The following HSD17B12 variants were observed in gnomAD, a reference collection of about 807,000 sequenced individuals.
HSD17B12 encodes hydroxysteroid 17-beta dehydrogenase 12, also known as very-long-chain 3-oxoacyl-CoA reductase.
HSD17B12 carries 32 observed loss-of-function variants against 39.3 expected under a neutral mutation model. The observed-to-expected ratio is 0.81, with a 90% CI of 0.61 to 1.09. The LOEUF is 1.09. HSD17B12 is among the 50% of genes least tolerant of loss of function. HSD17B12 has a pLI of 0.00. For missense variants in HSD17B12, 342 were observed against 382.9 expected, an observed-to-expected ratio of 0.89 and a Z score of 0.89; for synonymous variants, 150 against 146.7, an observed-to-expected ratio of 1.02 and a Z score of -0.16.
chr11:43,587,976 G>A, the HSD17B12 span, among the ~76,000 whole-genome samples: 1 of 152,212 alleles, frequency 6.6e-6, no homozygotes, highest in African/African-American at 2.4e-5. Flanking sequence ...ATAGCAGGTA[G>A]TTCTGTTGAG....
the HSD17B12 span, among the ~76,000 whole-genome samples, chr11:43,612,207 A>G: frequency 6.6e-6 from 1 of 152,128 alleles, no homozygotes; most frequent in Non-Finnish European, 1.5e-5. Flanking sequence ...TATGTATTTT[A>G]TAATTTGGGG....
At chr11:43,838,145 G>A (rs1951389194) in intron 7 of HSD17B12, 172 bp from the exon 8 acceptor site, 1 of 576,428 alleles carries the variant, frequency 1.7e-6, no homozygotes, top group Non-Finnish European at 3.1e-6. Flanking sequence ...ATTGAATTAT[G>A]TCTCATTTAC....
the HSD17B12 span, among the ~76,000 whole-genome samples, chr11:43,627,194 G>T: frequency 2.0e-5 from 3 of 151,638 alleles, no homozygotes; most frequent in South Asian, 6.2e-4. Flanking sequence ...AGCCCTATTG[G>T]TTCCTGAATT....
intron 1 of HSD17B12, among the ~76,000 whole-genome samples, chr11:43,747,146 GATC>G (rs1440122737): frequency 1.3e-5 from 2 of 152,130 alleles, no homozygotes; most frequent in Non-Finnish European, 2.9e-5. Context: ...ACTAAATGCC[GATC>G]ATCATTTAAA....
chr11:43,589,113 G>C, the HSD17B12 span, among the ~76,000 whole-genome samples: 2 of 152,026 alleles, frequency 1.3e-5, no homozygotes, highest in Admixed American at 6.6e-5. Flanking sequence ...AAAAAATAAG[G>C]AAAAATAGAA....
the HSD17B12 span, among the ~76,000 whole-genome samples, chr11:43,587,874 T>G: frequency 1.3e-3 from 193 of 152,266 alleles, no homozygotes; most frequent in Middle Eastern, 3.4e-3. Context: ...GCTGGACAGG[T>G]CAGGGATTCA....
At position 43,855,208 on chromosome 11, in the gene HSD17B12, C is replaced by G; in HGVS notation, c.899C>G (p.Ser300Cys). 6.2e-7 allele frequency: 1 copy of G among 1,610,982 alleles called. No homozygotes were observed. Among genetic ancestry groups the G allele is most frequent in the Non-Finnish European group, 8.5e-7 (1 of 1,178,898 alleles). The change falls in exon 11 of 11, where the codon TCT becomes TGT. Residue 300 changes from serine to cysteine, a missense_variant. By Grantham distance (112) the Ser-to-Cys change is moderately radical. Transcript: ENST00000278353. ...YLKIVMNMNKSTRAHYLKKTK... is the reference protein window; with the variant it reads ...YLKIVMNMNKCTRAHYLKKTK... ...AAAATAGTCATGAATATGAACAAGT[C>G]TACACGGGCTCACTATCTGAAGAAA...
intron 3 of HSD17B12, among the ~76,000 whole-genome samples, chr11:43,780,609 G>A (rs886586039): frequency 6.6e-6 from 1 of 152,150 alleles, no homozygotes; most frequent in Admixed American, 6.5e-5. Context: ...TAAGGAAAAT[G>A]TTTAGAAGCT....
chr11:43,600,283 T>C, the HSD17B12 span, among the ~76,000 whole-genome samples: 1 of 152,168 alleles, frequency 6.6e-6, no homozygotes, highest in South Asian at 2.1e-4. Context: ...TTTATTTAGA[T>C]GTATTGTTTC....
intron 6 of HSD17B12, among the ~76,000 whole-genome samples, chr11:43,818,972 G>C (rs760554990): frequency 6.6e-6 from 1 of 152,084 alleles, no homozygotes; most frequent in Non-Finnish European, 1.5e-5. Context: ...AATGACCAAC[G>C]TGTACTATTA....
upstream of HSD17B12, among the ~76,000 whole-genome samples, chr11:43,677,398 T>A (rs538097932): frequency 2.0e-5 from 3 of 152,262 alleles, no homozygotes; most frequent in East Asian, 5.8e-4. Flanking sequence ...CAAAAACTCT[T>A]GAAGGAAGGT....
chr11:43,621,597 C>G, the HSD17B12 span, among the ~76,000 whole-genome samples: 1 of 152,130 alleles, frequency 6.6e-6, no homozygotes, highest in Non-Finnish European at 1.5e-5. Context: ...TGCCTGTGGT[C>G]CCAGCTACTC....
chr11:43,616,748 A>T, the HSD17B12 span, among the ~76,000 whole-genome samples: 5 of 146,122 alleles, frequency 3.4e-5, no homozygotes, highest in South Asian at 1.1e-3. Flanking sequence ...CCTTCATATT[A>T]GAGAACCATC....
At chr11:43,609,342 TA>T in the HSD17B12 span, among the ~76,000 whole-genome samples, 1 of 148,246 alleles carries the variant, frequency 6.7e-6, no homozygotes, top group African/African-American at 2.4e-5. Context: ...TATAAAAATA[TA>T]AAATATATAT....
the HSD17B12 span, among the ~76,000 whole-genome samples, chr11:43,580,077 A>G: frequency 0.16 from 17,206 of 109,450 alleles, 1,407 homozygotes; most frequent in Non-Finnish European, 0.21. Context: ...GGGGGGGGGG[A>G]GGGGCAGGAG....
intron 3 of HSD17B12, among the ~76,000 whole-genome samples, chr11:43,778,213 G>A (rs1426761742): frequency 6.6e-6 from 1 of 152,202 alleles, no homozygotes; most frequent in Non-Finnish European, 1.5e-5. Flanking sequence ...ACACCTCTAT[G>A]CAAATAAACT....
the HSD17B12 span, among the ~76,000 whole-genome samples, chr11:43,558,114 A>G: frequency 6.6e-6 from 1 of 152,168 alleles, no homozygotes; most frequent in South Asian, 2.1e-4. Flanking sequence ...CAGGGACTTC[A>G]AGGGGTTTTT....
the HSD17B12 span, among the ~76,000 whole-genome samples, chr11:43,576,283 G>GA: frequency 4.6e-5 from 7 of 151,830 alleles, no homozygotes; most frequent in Admixed American, 1.3e-4. Context: ...GGTGGTGCAG[G>GA]AAAAAAAAGT....
intron 4 of HSD17B12, among the ~76,000 whole-genome samples, chr11:43,813,610 A>G (rs910222361): frequency 1.4e-4 from 21 of 152,170 alleles, no homozygotes; most frequent in Admixed American, 1.4e-3. Flanking sequence ...TAAATTATTC[A>G]TCCTTTGTAA....
Sources: gnomAD v4.1 joint callset for allele counts (sites outside exome capture counted in the v4.1 genomes callset) on GRCh38, gnomAD v4.1.1 for gene constraint, MANE v1.5 for transcripts, NCBI Gene and HGNC (gene_info 2026-07-23, HGNC 2026-07-21) for gene names.